The following H2AZ2 variants were observed in gnomAD, a reference collection of about 807,000 sequenced individuals.
H2AZ2 encodes the protein H2A.Z variant histone 2, also known as histone H2A.V.
H2AZ2 carries 5 observed loss-of-function variants against 15.5 expected under a neutral mutation model. The observed-to-expected ratio is 0.32, with a 90% CI of 0.17 to 0.68. The LOEUF (loss-of-function observed/expected upper bound fraction) is 0.68. Ranked by LOEUF, H2AZ2 falls within the 30% of genes least tolerant of loss-of-function variation. H2AZ2 has a pLI of 0.72. For missense variants in H2AZ2, 42 were observed against 162.5 expected, an observed-to-expected ratio of 0.26 and a Z score of 4.03; for synonymous variants, 44 against 57.4, an observed-to-expected ratio of 0.77 and a Z score of 1.05.
chr7:44,843,119 CAG>C (rs1327777324), intron 2 of H2AZ2, among the ~76,000 whole-genome samples, 156 bp downstream of exon 2: 1 of 102,100 alleles, frequency 9.8e-6, no homozygotes, highest in Non-Finnish European at 1.8e-5. Flanking sequence ...AGCCTGACGA[CAG>C]AGTGAGACTC....
intron 1 of H2AZ2, 73 bp from the exon 2 acceptor site, chr7:44,843,427 A>T (rs1793325598): frequency 1.0e-5 from 11 of 1,054,250 alleles, no homozygotes; most frequent in Non-Finnish European, 1.6e-5. Context: ...TGGAAACAGA[A>T]TTTTTTCTAG....
chr7:44,839,793 A>G (rs1330013402), intron 3 of H2AZ2, among the ~76,000 whole-genome samples: 2 of 151,972 alleles, frequency 1.3e-5, no homozygotes, highest in Non-Finnish European at 2.9e-5. Flanking sequence ...ACCTGAGGTC[A>G]GGAATTTGAG....
chr7:44,835,474 C>T (rs755946101), intron 4 of H2AZ2, 55 bp downstream of exon 4: 9 of 1,476,004 alleles, frequency 6.1e-6, no homozygotes, highest in African/African-American at 2.8e-5. Flanking sequence ...TTGATCTGAA[C>T]GATATATTAG....
rs1172550693 is a variant in H2AZ2, at chr7:44,831,983, T to C, written c.*2518A>G. On this transcript the variant is annotated 3_prime_UTR_variant, in exon 5 of 5. Coordinates refer to ENST00000308153, the MANE Select transcript of H2AZ2 (RefSeq NM_012412.5). ...GCAAAACAGAACAACAGAAGCCCTC[T>C]AGATCTGTCAGTTTATAGAACATAT... 6.6e-6 allele frequency among the ~76,000 whole-genome samples: 1 copy of C among 152,138 alleles called. No individual in the cohort carries two copies. The highest frequency in any genetic ancestry group is 1.5e-5 in the Non-Finnish European group (1 of 68,030).
rs1793063598 is a variant in H2AZ2, at chr7:44,834,275, C to G, written c.*226G>C. On this transcript the variant is annotated 3_prime_UTR_variant, in exon 5 of 5. Coordinates refer to ENST00000308153, the MANE Select transcript of H2AZ2 (RefSeq NM_012412.5). ...ATCAATTCCATTTTTGTATAAAACACACGGGAGAAACCTAGCCAATCAACA... is the reference window on the plus strand; with the variant it reads ...ATCAATTCCATTTTTGTATAAAACAGACGGGAGAAACCTAGCCAATCAACA... 5.5e-6 allele frequency: 7 copies of G among 1,263,938 alleles called. No homozygotes were observed. In the South Asian group the frequency reaches 1.6e-4, roughly 30 times the overall value. The allele number at this position is 1,263,938 out of a possible 1,614,324, so 78.3% of individuals were successfully genotyped here. A position where few individuals can be genotyped will look rare whatever the true frequency, so the allele number is the denominator to read the frequency against.
chr7:44,846,623 C>CA (rs1403662267), intron 1 of H2AZ2, among the ~76,000 whole-genome samples: 31 of 110,586 alleles, frequency 2.8e-4, no homozygotes, highest in Admixed American at 1.2e-3. Flanking sequence ...AAAAAAACCA[C>CA]AAAAAACCAC....
At chr7:44,830,773 G>A (rs905791994), downstream of H2AZ2, among the ~76,000 whole-genome samples, 2 of 152,172 alleles carry the variant, frequency 1.3e-5, no homozygotes, top group African/African-American at 4.8e-5. Flanking sequence ...TGAGGCGGGT[G>A]GATCACTTGA....
rs1421292238 is a variant in H2AZ2 at position 44,835,545 on chromosome 7, A to G, written c.309T>C (p.Ala103=). The G allele has an allele frequency of 6.2e-7, 1 of 1,613,890 alleles. No homozygotes were observed. The highest frequency in any genetic ancestry group is 8.5e-7 in the Non-Finnish European group (1 of 1,179,870). The change falls in exon 4 of 5, where the codon GCT becomes GCC. Residue 103 remains alanine (A), a synonymous_variant. Coordinates refer to ENST00000308153, the MANE Select transcript of H2AZ2 (RefSeq NM_012412.5). ...GDEELDSLIK[A]TIAGGGVIPH... is the part of the protein sequence containing the mutation. ...AATACATACCACCCCCAGCTATGGT[A>G]GCCTTGATAAGAGAATCCAACTCTT... is the stretch of plus-strand genomic sequence containing the variant.
Position 44,833,132 on chromosome 7 carries a change from C to T in H2AZ2, c.*1369G>A, listed in dbSNP as rs1007381368. ...GCGTGATCTTGGCTCACTGCAACCTCTGCCTCCTGGGTTCAAGTGATTTTT... is the reference window on the plus strand; with the variant it reads ...GCGTGATCTTGGCTCACTGCAACCTTTGCCTCCTGGGTTCAAGTGATTTTT... On this transcript the variant is annotated 3_prime_UTR_variant, in exon 5 of 5. Transcript: ENST00000308153. Among the ~76,000 whole-genome samples the T allele has an allele frequency of 5.9e-5, 9 of 152,092 alleles. No individual in the cohort carries two copies. Among genetic ancestry groups the T allele is most frequent in the African/African-American group, 2.2e-4 (9 of 41,406 alleles).
chr7:44,835,172 C>A, intron 4 of H2AZ2: 1 of 263,738 alleles, frequency 3.8e-6, no homozygotes, highest in Non-Finnish European at 7.1e-6. Flanking sequence ...TGATCCTGAC[C>A]CACTTTTCAA....
At chr7:44,843,175 A>AAAAAAT (rs1793317335) in intron 2 of H2AZ2, 102 bp downstream of exon 2, 4 of 281,576 alleles carry the variant, frequency 1.4e-5, no homozygotes, top group African/African-American at 5.0e-5. Context: ...AAAAAAAAAA[A>AAAAAAT]GTCTGTAGTA....
intron 3 of H2AZ2, 21 bp from the exon 4 acceptor site, chr7:44,835,679 G>A (rs757136274): frequency 6.4e-7 from 1 of 1,556,552 alleles, no homozygotes; most frequent in Admixed American, 1.9e-5. Flanking sequence ...TCCATGATTA[G>A]CATATCAAAT....
At chr7:44,847,857 G>T in intron 1 of H2AZ2, 112 bp downstream of exon 1, 3 of 1,429,844 alleles carry the variant, frequency 2.1e-6, no homozygotes, top group Non-Finnish European at 2.8e-6. Context: ...TCGGCCGGAC[G>T]AAGCCCAGAC....
chr7:44,830,234 G>T, downstream of H2AZ2: 3 of 1,427,014 alleles, frequency 2.1e-6, no homozygotes, highest in South Asian at 3.5e-5. Context: ...TCTCATAGAT[G>T]AGCTGATAAC....
At chr7:44,843,519 AT>A (rs1449061051) in intron 1 of H2AZ2, among the ~76,000 whole-genome samples, 165 bp from the exon 2 acceptor site, 1 of 152,144 alleles carries the variant, frequency 6.6e-6, no homozygotes, top group Admixed American at 6.6e-5. Context: ...ACCTTTTATA[AT>A]TTCTATCAAA....
chr7:44,840,496 C>T (rs1018371628), intron 3 of H2AZ2, among the ~76,000 whole-genome samples: 4 of 151,954 alleles, frequency 2.6e-5, no homozygotes, highest in Admixed American at 6.5e-5. Context: ...TGAGGCCGGA[C>T]GTGGTGGCTC....
At chr7:44,843,917 G>A (rs903493976) in intron 1 of H2AZ2, among the ~76,000 whole-genome samples, 1 of 151,994 alleles carries the variant, frequency 6.6e-6, no homozygotes, top group African/African-American at 2.4e-5. Flanking sequence ...AAAGAATCTT[G>A]CAAGTCAATA....
downstream of H2AZ2, chr7:44,829,585 A>C (rs1190726430): frequency 7.0e-6 from 1 of 143,626 alleles, no homozygotes; most frequent in Non-Finnish European, 1.5e-5. Flanking sequence ...GGGTGACAAG[A>C]ATGAGACTCT....
At chr7:44,845,790 T>C (rs1436357825) in intron 1 of H2AZ2, among the ~76,000 whole-genome samples, 1 of 152,148 alleles carries the variant, frequency 6.6e-6, no homozygotes, top group African/African-American at 2.4e-5. Flanking sequence ...CCTGATACAT[T>C]TCTCATACTT....
Sources: gnomAD v4.1 joint callset for allele counts (sites outside exome capture counted in the v4.1 genomes callset) on GRCh38, gnomAD v4.1.1 for gene constraint, MANE v1.5 for transcripts, NCBI Gene and HGNC (gene_info 2026-07-23, HGNC 2026-07-21) for gene names.